Variants in SLC30A8 observed in about 807,000 individuals in gnomAD.
The protein encoded by SLC30A8 is proton-coupled zinc antiporter SLC30A8.
A neutral mutation model predicts 36.9 loss-of-function variants in SLC30A8; 27 were observed. That is an observed-to-expected ratio of 0.73 (90% CI 0.54 to 1.01). The LOEUF is 1.01. Ranked by LOEUF, SLC30A8 falls within the 50% of genes least tolerant of loss-of-function variation. The pLI is 0.00. For missense variants in SLC30A8, 439 were observed against 452.0 expected (o/e 0.97, Z 0.26); for synonymous variants, 164 against 172.4 (o/e 0.95, Z 0.38).
upstream of SLC30A8, among the ~76,000 whole-genome samples, chr8:117,132,900 A>C (rs961785509): frequency 6.6e-6 from 1 of 151,976 alleles, no homozygotes; most frequent in African/African-American, 2.4e-5. Context: ...GCATAATTTT[A>C]TTTGCTGTAA....
intron 2 of SLC30A8, among the ~76,000 whole-genome samples, chr8:117,096,205 C>T (rs1320144083): frequency 6.6e-6 from 1 of 152,172 alleles, no homozygotes; most frequent in African/African-American, 2.4e-5. Flanking sequence ...AACTCGTTTT[C>T]TCTGCAGAAG....
At chr8:117,049,616 TTATC>T (rs938214535) in intron 2 of SLC30A8, among the ~76,000 whole-genome samples, 7 of 152,232 alleles carry the variant, frequency 4.6e-5, no homozygotes, top group African/African-American at 1.7e-4. Context: ...GCCATCCTCT[TTATC>T]TACTGCCTGA....
chr8:117,158,812 C>T (rs1261967642), intron 4 of SLC30A8, among the ~76,000 whole-genome samples: 2 of 152,156 alleles, frequency 1.3e-5, no homozygotes, highest in African/African-American at 2.4e-5. Flanking sequence ...AGCTAGCTAT[C>T]GTGTTGGTGG....
chr8:117,169,316 T>G (rs776544292), intron 6 of SLC30A8, among the ~76,000 whole-genome samples: 8 of 152,146 alleles, frequency 5.3e-5, no homozygotes, highest in Non-Finnish European at 1.0e-4. Flanking sequence ...AGTGTTCCAT[T>G]ATTGGAATGC....
At chr8:117,088,287 A>C (rs1818960487) in intron 2 of SLC30A8, among the ~76,000 whole-genome samples, 1 of 152,210 alleles carries the variant, frequency 6.6e-6, no homozygotes, top group South Asian at 2.1e-4. Context: ...GAAAGTGCTA[A>C]AGAAACGTAG....
intron 3 of SLC30A8, among the ~76,000 whole-genome samples, 188 bp from the exon 4 acceptor site, chr8:117,157,503 G>A (rs1822556250): frequency 6.6e-6 from 1 of 152,156 alleles, no homozygotes; most frequent in South Asian, 2.1e-4. Flanking sequence ...GGTGTTTTAT[G>A]AATGCAACAT....
rs138503226 is a variant in SLC30A8 at position 117,060,031 on chromosome 8, T to C, written c.-226+20773T>C. On this transcript the variant is annotated intron_variant, in intron 2 of 10. Transcript: ENST00000427715. Reference sequence around the variant, plus strand: ...GGGAGTTGAAGAACAAGGATAGTTTTGAGCTCAAGATGCCATTAATGGAAG... The same window carrying C: ...GGGAGTTGAAGAACAAGGATAGTTTCGAGCTCAAGATGCCATTAATGGAAG... 1.5e-4 allele frequency among the ~76,000 whole-genome samples: 23 copies of C among 152,234 alleles called. No homozygotes were observed. In the East Asian group the frequency reaches 4.1e-3, roughly 27 times the overall value.
chr8:117,045,819 C>T (rs543174810), intron 2 of SLC30A8, among the ~76,000 whole-genome samples: 2 of 152,314 alleles, frequency 1.3e-5, no homozygotes, highest in Non-Finnish European at 2.9e-5. Flanking sequence ...TCTGAACTTA[C>T]CGACCTCTTC....
At chr8:116,995,678 T>C (rs1378591345) in intron 1 of SLC30A8, among the ~76,000 whole-genome samples, 2 of 151,874 alleles carry the variant, frequency 1.3e-5, no homozygotes, top group Non-Finnish European at 2.9e-5. Flanking sequence ...CTGTGCAGGG[T>C]TTTGTATCCT....
chr8:117,111,955 C>G (rs1820245318), intron 2 of SLC30A8, among the ~76,000 whole-genome samples: 1 of 152,014 alleles, frequency 6.6e-6, no homozygotes, highest in Non-Finnish European at 1.5e-5. Context: ...CCAATCTATG[C>G]CTCAGGTGGG....
intron 2 of SLC30A8, among the ~76,000 whole-genome samples, chr8:117,043,470 G>A (rs1282776470): frequency 6.6e-6 from 1 of 152,172 alleles, no homozygotes; most frequent in Non-Finnish European, 1.5e-5. Context: ...AGTGAGAGAA[G>A]CCTGGCATGT....
chr8:117,127,240 G>A (rs1820944155), intron 2 of SLC30A8, among the ~76,000 whole-genome samples: 1 of 151,998 alleles, frequency 6.6e-6, no homozygotes, highest in African/African-American at 2.4e-5. Flanking sequence ...AGTTCTTAGG[G>A]AAAAATGATG....
At chr8:116,953,208 C>CT (rs892019787) in intron 1 of SLC30A8, among the ~76,000 whole-genome samples, 4 of 152,040 alleles carry the variant, frequency 2.6e-5, no homozygotes, top group Non-Finnish European at 4.4e-5. Context: ...TGATTTTGTT[C>CT]TTTTTTATGG....
chr8:117,145,559 C>T (rs1476003139), intron 1 of SLC30A8, among the ~76,000 whole-genome samples: 1 of 151,998 alleles, frequency 6.6e-6, no homozygotes, highest in Non-Finnish European at 1.5e-5. Context: ...TTTGTTATTA[C>T]CTTTCAGAGT....
chr8:117,070,170 C>A (rs887656420), intron 2 of SLC30A8, among the ~76,000 whole-genome samples: 1 of 152,170 alleles, frequency 6.6e-6, no homozygotes, highest in Non-Finnish European at 1.5e-5. Context: ...AGAAACAAAA[C>A]AGCACCAAAA....
intron 2 of SLC30A8, among the ~76,000 whole-genome samples, chr8:117,094,671 C>T (rs1586500921): frequency 6.6e-6 from 1 of 152,184 alleles, no homozygotes; most frequent in Non-Finnish European, 1.5e-5. Flanking sequence ...TTTGTGGGAC[C>T]AGCAGCCTGG....
intron 1 of SLC30A8, among the ~76,000 whole-genome samples, chr8:117,019,848 G>A (rs1816645568): frequency 6.6e-6 from 1 of 152,188 alleles, no homozygotes; most frequent in Admixed American, 6.5e-5. Flanking sequence ...GCAAATAGTT[G>A]GTATGGCTGG....
At chr8:117,170,397 A>G (rs1823311260) in intron 6 of SLC30A8, among the ~76,000 whole-genome samples, 1 of 152,202 alleles carries the variant, frequency 6.6e-6, no homozygotes, top group African/African-American at 2.4e-5. Flanking sequence ...CTTCTACAGC[A>G]TCCTCCAATG....
intron 1 of SLC30A8, among the ~76,000 whole-genome samples, chr8:116,982,388 A>G (rs1227607463): frequency 6.6e-6 from 1 of 152,096 alleles, no homozygotes; most frequent in Non-Finnish European, 1.5e-5. Context: ...ATGTAGGGAA[A>G]CCAGTTTTAC....
Sources: allele counts gnomAD v4.1 joint callset (sites outside exome capture counted in the v4.1 genomes callset), GRCh38; gene constraint gnomAD v4.1.1; transcripts MANE v1.5; gene names NCBI Gene and HGNC (gene_info 2026-07-23, HGNC 2026-07-21).